Variants in PHYHIPL observed in about 807,000 individuals in gnomAD.
The protein encoded by PHYHIPL is phytanoyl-CoA 2-hydroxylase interacting protein like, also known as phytanoyl-CoA hydroxylase-interacting protein-like.
In PHYHIPL, 9 loss-of-function variants were observed where a neutral mutation model predicts 33.4. The ratio of observed to expected loss-of-function variants is 0.27; its 90% CI spans 0.16 to 0.47. The LOEUF is 0.47. Among genes scored for constraint, PHYHIPL ranks in the 20% least tolerant of loss-of-function variants. The pLI is 0.99. For missense variants in PHYHIPL, 365 were observed against 460.7 expected, an observed-to-expected ratio of 0.79 and a Z score of 1.90; for synonymous variants, 153 against 154.1, an observed-to-expected ratio of 0.99 and a Z score of 0.05.
intron 1 of PHYHIPL, among the ~76,000 whole-genome samples, chr10:59,215,095 G>C (rs1213024493): frequency 6.6e-6 from 1 of 152,012 alleles, no homozygotes; most frequent in African/African-American, 2.4e-5. Context: ...TAAAAATTAT[G>C]TGGAAAGTTA....
intron 1 of PHYHIPL, among the ~76,000 whole-genome samples, chr10:59,203,212 A>G (rs377627227): frequency 7.0e-4 from 107 of 152,320 alleles, no homozygotes; most frequent in East Asian, 2.7e-3. Context: ...CAAAACCACA[A>G]TGAGATACCA....
chr10:59,244,320 A>G (rs1338584480), intron 4 of PHYHIPL, among the ~76,000 whole-genome samples: 4 of 152,080 alleles, frequency 2.6e-5, no homozygotes, highest in Admixed American at 6.5e-5. Flanking sequence ...TAATCCCAGC[A>G]CTTTGGGAGG....
intron 4 of PHYHIPL, among the ~76,000 whole-genome samples, chr10:59,242,415 G>A (rs971652961): frequency 2.1e-5 from 3 of 141,142 alleles, no homozygotes; most frequent in East Asian, 2.0e-4. Flanking sequence ...TCACCCACTG[G>A]TAGATAGTCA....
At chr10:59,200,016 A>G (rs763212055) in intron 1 of PHYHIPL, among the ~76,000 whole-genome samples, 1 of 152,120 alleles carries the variant, frequency 6.6e-6, no homozygotes, top group Non-Finnish European at 1.5e-5. Context: ...GGTCAATTTG[A>G]CTTCCTCTTT....
chr10:59,224,095 C>G (rs1182519871), intron 1 of PHYHIPL, among the ~76,000 whole-genome samples: 1 of 152,162 alleles, frequency 6.6e-6, no homozygotes, highest in African/African-American at 2.4e-5. Flanking sequence ...TACTATATAT[C>G]ATGCTCTCTC....
At chr10:59,240,280 A>G (rs529169230) in intron 4 of PHYHIPL, among the ~76,000 whole-genome samples, 70 of 152,064 alleles carry the variant, frequency 4.6e-4, no homozygotes, top group Non-Finnish European at 6.3e-4. Flanking sequence ...ATGACCATAT[A>G]GACTTAGCAA....
chr10:59,234,086 C>A (rs1840158285), intron 1 of PHYHIPL, among the ~76,000 whole-genome samples: 1 of 151,650 alleles, frequency 6.6e-6, no homozygotes, highest in Non-Finnish European at 1.5e-5. Context: ...TAGAGGGAAC[C>A]TAACCATATA....
At chr10:59,184,504 CAG>C (rs1838508754) in intron 1 of PHYHIPL, among the ~76,000 whole-genome samples, 1 of 152,020 alleles carries the variant, frequency 6.6e-6, no homozygotes, top group Non-Finnish European at 1.5e-5. Context: ...GCGAGTCAGG[CAG>C]AGAGATGTAG....
chr10:59,207,541 G>A lies in PHYHIPL; in HGVS notation c.107-26763G>A, dbSNP rs11006400. Among the ~76,000 whole-genome samples, 110 of 152,282 alleles carry A rather than the reference G, an allele frequency of 7.2e-4. 1 individual carries two copies. Among genetic ancestry groups the A allele is most frequent in the African/African-American group, 2.4e-3 (101 of 41,572 alleles). ...GAGCCCACCGCAGCTCAGCAAAGTC[G>A]CTGTAGCCAGACTACCTCTCTAGAT... On this transcript the variant is annotated intron_variant, in intron 1 of 4. Coordinates refer to ENST00000373880, the MANE Select transcript of PHYHIPL (RefSeq NM_032439.4).
chr10:59,224,819 T>C (rs1839883713), intron 1 of PHYHIPL, among the ~76,000 whole-genome samples: 1 of 152,124 alleles, frequency 6.6e-6, no homozygotes, highest in Non-Finnish European at 1.5e-5. Context: ...GTTGAAATTT[T>C]GGTAGTCTGT....
At chr10:59,184,160 T>C (rs1838499485) in intron 1 of PHYHIPL, among the ~76,000 whole-genome samples, 1 of 152,152 alleles carries the variant, frequency 6.6e-6, no homozygotes, top group Admixed American at 6.5e-5. Flanking sequence ...GGCGTGCATG[T>C]TATGTTCCCT....
upstream of PHYHIPL, among the ~76,000 whole-genome samples, chr10:59,174,645 C>G (rs148018482): frequency 3.8e-4 from 58 of 152,178 alleles, no homozygotes; most frequent in African/African-American, 1.4e-3. Flanking sequence ...GAAACATTAC[C>G]CTTTCCGATT....
chr10:59,187,128 G>A (rs188508422), intron 1 of PHYHIPL, among the ~76,000 whole-genome samples: 3,245 of 152,224 alleles, frequency 0.021, 134 homozygotes, highest in African/African-American at 0.074. Context: ...ATTATTTTGA[G>A]ATACGTCCCT....
At chr10:59,192,795 G>T (rs184573761) in intron 1 of PHYHIPL, among the ~76,000 whole-genome samples, 1 of 152,040 alleles carries the variant, frequency 6.6e-6, no homozygotes, top group Non-Finnish European at 1.5e-5. Flanking sequence ...TTGGAGATGG[G>T]GTACATTTTG....
intron 1 of PHYHIPL, chr10:59,183,647 C>T: frequency 1.0e-6 from 1 of 984,886 alleles, no homozygotes; most frequent in African/African-American, 1.7e-5. Flanking sequence ...TAACTAAGAG[C>T]TCTGTATTTT....
intron 1 of PHYHIPL, among the ~76,000 whole-genome samples, chr10:59,184,664 A>G (rs1838516848): frequency 6.6e-6 from 1 of 151,202 alleles, no homozygotes; most frequent in South Asian, 2.1e-4. Context: ...TATTATTATT[A>G]TACTTTAAGT....
chr10:59,191,950 C>G (rs1290489374), intron 1 of PHYHIPL, among the ~76,000 whole-genome samples: 1 of 151,998 alleles, frequency 6.6e-6, no homozygotes, highest in African/African-American at 2.4e-5. Flanking sequence ...AACTCTTAAT[C>G]TGTTTAAGAG....
At chr10:59,193,994 G>C (rs1317531169) in intron 1 of PHYHIPL, among the ~76,000 whole-genome samples, 2 of 151,038 alleles carry the variant, frequency 1.3e-5, no homozygotes, top group Non-Finnish European at 2.9e-5. Flanking sequence ...AATGATAAAC[G>C]TTCCAAATTC....
chr10:59,181,044 A>T (rs967071904), intron 1 of PHYHIPL, among the ~76,000 whole-genome samples: 8 of 152,190 alleles, frequency 5.3e-5, no homozygotes, highest in Non-Finnish European at 1.2e-4. Flanking sequence ...TGGCTCTTGA[A>T]AGCCGTGTAA....
Sources: gnomAD v4.1 joint callset for allele counts (sites outside exome capture counted in the v4.1 genomes callset) on GRCh38, gnomAD v4.1.1 for gene constraint, MANE v1.5 for transcripts, NCBI Gene and HGNC (gene_info 2026-07-23, HGNC 2026-07-21) for gene names.